Variants in ADGRE3 observed in about 807,000 individuals in gnomAD.
ADGRE3 encodes the protein EGF-like module receptor 3.
Under a neutral mutation model 80.1 loss-of-function variants are expected in ADGRE3, and 88 were observed. The observed-to-expected ratio is 1.10, with a 90% CI of 0.93 to 1.31. The LOEUF is 1.31. Among genes scored for constraint, ADGRE3 ranks in the 40% most tolerant of loss-of-function variants. ADGRE3 has a pLI of 0.00. For missense variants in ADGRE3, 715 were observed against 776.5 expected (o/e 0.92, Z 0.94); for synonymous variants, 281 against 294.8 (o/e 0.95, Z 0.48).
rs983940555 is a variant in ADGRE3 at position 14,622,199 on chromosome 19, C to T, written c.1921-2728G>A. 3.3e-4 allele frequency: 323 copies of T among 964,370 alleles called. 117 individuals are homozygous for T. The highest frequency in any genetic ancestry group is 6.2e-4 in the Admixed American group (25 of 40,498). The allele number at this position is 964,370 out of a possible 1,614,324, so 59.7% of individuals were successfully genotyped here. ...ACAGACACCACACTCGCAGATGCCC[C>T]GGCCATTGCAGATCTGTCCGTTGCT... On this transcript the variant is annotated intron_variant, in intron 15 of 15. Coordinates refer to ENST00000253673, the MANE Select transcript of ADGRE3 (RefSeq NM_032571.5).
At position 14,641,605 on chromosome 19, in the gene ADGRE3, G is replaced by A. The variant is rs144458654; in HGVS notation, c.1062C>T (p.Pro354=). The A allele has an allele frequency of 2.1e-4, 340 of 1,614,058 alleles. 1 individual carries two copies. In the African/African-American group the frequency reaches 3.7e-3, roughly 18 times the overall value. ...CCACGTAGGTGATGACAGTCAGCAC[G>A]GGATCCTCCTCCTGGGACCGAGAAA... The part of the protein sequence containing the change: ...LMALTSQEED[P]VLTVITYVGL... Residue 354 remains proline (P), a synonymous_variant, in exon 10 of 16, where the codon CCC becomes CCT. Transcript: ENST00000253673.
At chr19:14,650,980 G>T in intron 7 of ADGRE3, 105 bp downstream of exon 7, 1 of 1,190,586 alleles carries the variant, frequency 8.4e-7, no homozygotes, top group Non-Finnish European at 1.2e-6. Flanking sequence ...CGTAGTTTGA[G>T]GGTAAAAAGC....
At chr19:14,663,395 A>T (rs1204180021) in intron 3 of ADGRE3, 23 bp downstream of exon 3, 77 of 1,389,650 alleles carry the variant, frequency 5.5e-5, no homozygotes, top group Non-Finnish European at 7.3e-5. Context: ...TAATAATAAT[A>T]AAAAATAATA....
Position 14,651,189 on chromosome 19 carries a change from G to T in ADGRE3, c.593C>A (p.Ala198Glu), listed in dbSNP as rs753290906. ...TTCTTCAGAGCAATTGTCTGTAATC[G>T]CTTGAGTTTCAATAGCTGGTAAGAA... Reference protein sequence around the residue: ...QNDSVAIETQAITDNCSEERK... With the variant: ...QNDSVAIETQEITDNCSEERK... Residue 198 changes from alanine to glutamate, a missense_variant, in exon 7 of 16, where the codon GCG becomes GAG. Transcript: ENST00000253673. The T allele has an allele frequency of 3.6e-5, 58 of 1,613,874 alleles. No homozygotes were observed. Among genetic ancestry groups the T allele is most frequent in the Non-Finnish European group, 4.6e-5 (54 of 1,179,938 alleles).
At chr19:14,656,708 C>A (rs1941892484) in intron 5 of ADGRE3, among the ~76,000 whole-genome samples, 1 of 152,180 alleles carries the variant, frequency 6.6e-6, no homozygotes, top group African/African-American at 2.4e-5. Context: ...CCTATTGGCA[C>A]AGCTGCTGGC....
intron 4 of ADGRE3, among the ~76,000 whole-genome samples, chr19:14,660,196 T>G (rs924868759): frequency 1.3e-5 from 2 of 152,180 alleles, no homozygotes; most frequent in African/African-American, 2.4e-5. Context: ...GGTGCAGACC[T>G]CTTAACATTA....
chr19:14,670,068 GA>G (rs558290358), intron 1 of ADGRE3, among the ~76,000 whole-genome samples: 127 of 151,880 alleles, frequency 8.4e-4, no homozygotes, highest in Middle Eastern at 6.8e-3. Flanking sequence ...TTGAATCTAA[GA>G]AAAAAAATGT....
At chr19:14,672,201 A>T (rs1213104096) in intron 1 of ADGRE3, among the ~76,000 whole-genome samples, 2 of 152,074 alleles carry the variant, frequency 1.3e-5, no homozygotes, top group Admixed American at 6.6e-5. Flanking sequence ...TTTCCTTAAG[A>T]CTAGTCTTTA....
chr19:14,637,066 C>T (rs1392960854), intron 11 of ADGRE3, among the ~76,000 whole-genome samples: 4 of 152,074 alleles, frequency 2.6e-5, no homozygotes, highest in Non-Finnish European at 5.9e-5. Context: ...TGGACTCCAG[C>T]CTGGGCAACA....
At chr19:14,660,005 A>G (rs770775832) in intron 4 of ADGRE3, among the ~76,000 whole-genome samples, 17 of 152,102 alleles carry the variant, frequency 1.1e-4, no homozygotes, top group Non-Finnish European at 1.6e-4. Context: ...AGAGTTCAAG[A>G]ACTTTGACTT....
chr19:14,630,024 G>C lies in ADGRE3; in HGVS notation c.1812+15C>G. 1.3e-6 allele frequency: 2 copies of C among 1,543,230 alleles called. No individual in the cohort carries two copies. The highest frequency in any genetic ancestry group is 1.7e-6 in the Non-Finnish European group (2 of 1,143,220). ...TTCTTAAGTTTAAATAACAAAGAAA[G>C]GGGTCAGTGTTTACCTGCTGGCTGA... On this transcript the variant is annotated intron_variant, in intron 14 of 15. Coordinates refer to ENST00000253673, the MANE Select transcript of ADGRE3 (RefSeq NM_032571.5).
chr19:14,624,660 T>C (rs1970687397), intron 15 of ADGRE3, among the ~76,000 whole-genome samples: 1 of 150,140 alleles, frequency 6.7e-6, no homozygotes, highest in Non-Finnish European at 1.5e-5. Flanking sequence ...GAAGCTGAGA[T>C]GGGAGGATTG....
chr19:14,633,708 A>AAAAAT (rs371090073), intron 11 of ADGRE3, among the ~76,000 whole-genome samples: 39,305 of 123,368 alleles, frequency 0.32, 7,877 homozygotes, highest in Non-Finnish European at 0.41. Context: ...CCGTCTCAAA[A>AAAAAT]AAAATAAAAT....
intron 8 of ADGRE3, 40 bp downstream of exon 8, chr19:14,647,141 C>T: frequency 6.4e-7 from 1 of 1,571,936 alleles, no homozygotes; most frequent in Non-Finnish European, 8.7e-7. Context: ...TGGCCTGCCT[C>T]CTTGAGAACC....
At chr19:14,662,236 A>C in intron 3 of ADGRE3, 118 bp from the exon 4 acceptor site, 2 of 967,418 alleles carry the variant, frequency 2.1e-6, no homozygotes, top group South Asian at 3.3e-5. Context: ...GAGACAAATC[A>C]GTTTAGGTAA....
rs1971433843 is a variant in ADGRE3, at chr19:14,647,227, T to G, written c.836A>C (p.Asn279Thr). 1 of 1,613,986 alleles carries G rather than the reference T, an allele frequency of 6.2e-7. No homozygotes were observed. Among genetic ancestry groups the G allele is most frequent in the Non-Finnish European group, 8.5e-7 (1 of 1,179,986 alleles). ...VVSAAIGPKR[N>T]VSLSKSVTLT... ...CGTCACAGACTTGGAGAGAGACACG[T>G]TCCTTTTGGGTCCAATAGCAGCACT... is the stretch of plus-strand genomic sequence containing the variant. The change falls in exon 8 of 16, where the codon AAC becomes ACC. Residue 279 changes from asparagine to threonine, a missense_variant. Coordinates refer to ENST00000253673, the MANE Select transcript of ADGRE3 (RefSeq NM_032571.5).
At chr19:14,653,873 G>C (rs1479315489) in intron 6 of ADGRE3, among the ~76,000 whole-genome samples, 1 of 151,740 alleles carries the variant, frequency 6.6e-6, no homozygotes, top group African/African-American at 2.4e-5. Context: ...GTTTAATTTT[G>C]AACCAAAGTA....
At chr19:14,666,408 G>A (rs1175828156) in intron 2 of ADGRE3, among the ~76,000 whole-genome samples, 3 of 148,168 alleles carry the variant, frequency 2.0e-5, no homozygotes, top group South Asian at 2.1e-4. Context: ...ACAGAGTCTC[G>A]CTCTGTCGCC....
intron 4 of ADGRE3, among the ~76,000 whole-genome samples, chr19:14,660,204 T>C (rs934793057): frequency 6.6e-6 from 1 of 152,180 alleles, no homozygotes; most frequent in African/African-American, 2.4e-5. Flanking sequence ...CCTCTTAACA[T>C]TAGGAAAACA....
Sources: allele counts gnomAD v4.1 joint callset (sites outside exome capture counted in the v4.1 genomes callset), GRCh38; gene constraint gnomAD v4.1.1; transcripts MANE v1.5; gene names NCBI Gene and HGNC (gene_info 2026-07-23, HGNC 2026-07-21).